The following FHL5 variants were observed in gnomAD, a reference collection of about 807,000 sequenced individuals.
FHL5 encodes the protein four and a half LIM domains 5.
FHL5 carries 33 observed loss-of-function variants against 32.0 expected under a neutral mutation model. The observed-to-expected ratio is 1.03, with a 90% CI of 0.78 to 1.38. The LOEUF is 1.38. Among genes scored for constraint, FHL5 ranks in the 40% most tolerant of loss-of-function variants. The pLI, the probability that FHL5 is intolerant of heterozygous loss-of-function variation, is 0.00. For missense variants in FHL5, 336 were observed against 343.9 expected (o/e 0.98, Z 0.18); for synonymous variants, 114 against 113.6 (o/e 1.00, Z -0.02).
At chr6:96,571,910 T>A (rs1770486853) in intron 1 of FHL5, among the ~76,000 whole-genome samples, 1 of 152,124 alleles carries the variant, frequency 6.6e-6, no homozygotes, top group Non-Finnish European at 1.5e-5. Context: ...TTGCTTTCAG[T>A]ACTCCAGAAT....
Position 96,618,039 on chromosome 6 carries a change from G to C in FHL5, c.*2267G>C, listed in dbSNP as rs535416395. On this transcript the variant is annotated 3_prime_UTR_variant, in exon 6 of 6. Transcript: ENST00000450218. ...ATGGTATGGAAATGCAGAAGTGCCT[G>C]ATGCAAAGATCCTTGCCTGCAGGTT... 2.0e-5 allele frequency among the ~76,000 whole-genome samples: 3 copies of C among 152,288 alleles called. No individual in the cohort carries two copies. The South Asian group carries it at 6.2e-4, about 32-fold the overall frequency.
intron 3 of FHL5, among the ~76,000 whole-genome samples, chr6:96,605,645 A>G (rs1282181816): frequency 2.6e-5 from 4 of 152,186 alleles, no homozygotes; most frequent in Non-Finnish European, 1.5e-5. Flanking sequence ...TTACATCTCC[A>G]GATTATAGGT....
At chr6:96,588,047 C>T (rs971439327) in intron 1 of FHL5, among the ~76,000 whole-genome samples, 2 of 152,138 alleles carry the variant, frequency 1.3e-5, no homozygotes, top group Non-Finnish European at 2.9e-5. Flanking sequence ...TCCACATCAT[C>T]GCTGAAAGTT....
At chr6:96,610,151 C>G (rs1440613047) in intron 4 of FHL5, among the ~76,000 whole-genome samples, 3 of 152,100 alleles carry the variant, frequency 2.0e-5, no homozygotes, top group Admixed American at 2.0e-4. Flanking sequence ...GCTCTAACGG[C>G]AGATCTTTAA....
At chr6:96,591,867 T>C (rs1349376381) in intron 1 of FHL5, among the ~76,000 whole-genome samples, 1 of 152,060 alleles carries the variant, frequency 6.6e-6, no homozygotes, top group Admixed American at 6.6e-5. Flanking sequence ...CACATGTCGA[T>C]AGGTTCCGTG....
intron 1 of FHL5, among the ~76,000 whole-genome samples, chr6:96,590,728 G>GT (rs966271547): frequency 5.3e-5 from 8 of 151,842 alleles, no homozygotes; most frequent in Admixed American, 3.9e-4. Flanking sequence ...TTCGCTATAG[G>GT]TTTTTTTAAA....
At chr6:96,609,384 C>G (rs1315341248) in intron 4 of FHL5, among the ~76,000 whole-genome samples, 1 of 152,056 alleles carries the variant, frequency 6.6e-6, no homozygotes, top group African/African-American at 2.4e-5. Flanking sequence ...ATTCTAAGAG[C>G]TCATTAGCTG....
rs1771238760 is a variant in FHL5, at chr6:96,604,870, T to G, written c.280T>G (p.Tyr94Asp). 6.2e-7 allele frequency: 1 copy of G among 1,613,664 alleles called. No homozygotes were observed. ...TGAGCGCCTGCTGTGCACGGAGTGC[T>G]ATTCTAACGAGTGCTCCTCCAAGTG... is the stretch of plus-strand genomic sequence containing the variant. ...KDERLLCTEC[Y>D]SNECSSKCFH... The change falls in exon 3 of 6, where the codon TAT becomes GAT. Residue 94 changes from tyrosine (Y) to aspartate (D), a missense_variant. Physicochemically the swap from Tyr to Asp is radical, Grantham distance 160. Coordinates refer to ENST00000450218, the MANE Select transcript of FHL5 (RefSeq NM_001322466.2).
At chr6:96,601,187 A>G (rs1008474162) in intron 1 of FHL5, among the ~76,000 whole-genome samples, 1 of 151,814 alleles carries the variant, frequency 6.6e-6, no homozygotes, top group Non-Finnish European at 1.5e-5. Flanking sequence ...TACAAAAATT[A>G]GCCAGGCACG....
At chr6:96,604,948 T>C (rs1423517407) in intron 3 of FHL5, 24 bp downstream of exon 3, 1 of 1,549,922 alleles carries the variant, frequency 6.5e-7, no homozygotes, top group Non-Finnish European at 8.7e-7. Context: ...GGGGCTCCTG[T>C]CTCTAACTGA....
intron 4 of FHL5, 50 bp from the exon 5 acceptor site, chr6:96,610,522 T>G: frequency 7.4e-7 from 1 of 1,354,314 alleles, no homozygotes; most frequent in Non-Finnish European, 1.0e-6. Context: ...TGAAATGATC[T>G]GAATTGTAAT....
chr6:96,591,881 T>C (rs2971608), intron 1 of FHL5, among the ~76,000 whole-genome samples: 39,684 of 151,818 alleles, frequency 0.26, 5,644 homozygotes, highest in African/African-American at 0.37. Flanking sequence ...TTCCGTGATG[T>C]CCCCTGAGCT....
intron 1 of FHL5, among the ~76,000 whole-genome samples, chr6:96,568,771 CT>C (rs1770414399): frequency 6.6e-6 from 1 of 151,770 alleles, no homozygotes; most frequent in Admixed American, 6.6e-5. Flanking sequence ...ATAATAGTCT[CT>C]GATAATTTTT....
chr6:96,615,519 C>G, intron 5 of FHL5, 90 bp from the exon 6 acceptor site: 1 of 1,070,540 alleles, frequency 9.3e-7, no homozygotes, highest in Non-Finnish European at 1.3e-6. Flanking sequence ...GCTCATAGCT[C>G]TATCTCCAGT....
At position 96,617,336 on chromosome 6, in the gene FHL5, G is replaced by A. The variant is rs11759769; in HGVS notation, c.*1564G>A. 0.18 allele frequency among the ~76,000 whole-genome samples: 27,474 copies of A among 152,114 alleles called. 2,724 individuals are homozygous for A. The highest frequency in any genetic ancestry group is 0.26 in the Middle Eastern group (76 of 294). ...GATTAAAATCTAATTGTAAGATACT[G>A]CTGATTACAATTACCAAAATAGCAT... On this transcript the variant is annotated 3_prime_UTR_variant, in exon 6 of 6. Transcript: ENST00000450218.
intron 1 of FHL5, among the ~76,000 whole-genome samples, chr6:96,580,201 T>C (rs1770669881): frequency 6.6e-6 from 1 of 152,056 alleles, no homozygotes; most frequent in Non-Finnish European, 1.5e-5. Context: ...TGCAGCATGT[T>C]TTCTTGGCCT....
Position 96,615,756 on chromosome 6 carries a change from T to C in FHL5, c.839T>C (p.Met280Thr), listed in dbSNP as rs555201956. Residue 280 changes from methionine to threonine, a missense_variant, in exon 6 of 6, where the codon ATG (methionine) becomes ACG (threonine). By Grantham distance (81) the Met-to-Thr change is moderately conservative (BLOSUM62 -1). Transcript: ENST00000450218. Reference sequence around the variant, plus strand: ...TTCTGCCAAAAATGTGGCTCCGGAATGGACACTGACATCTAGGAGACAGTC... The same window carrying C: ...TTCTGCCAAAAATGTGGCTCCGGAACGGACACTGACATCTAGGAGACAGTC... The part of the protein sequence containing the change: ...EIFCQKCGSG[M>T]DTDI The C allele has an allele frequency of 4.3e-6, 7 of 1,610,166 alleles. No homozygotes were observed. The East Asian group carries it at 1.1e-4, about 26-fold the overall frequency.
chr6:96,592,466 A>T (rs138985363), intron 1 of FHL5, among the ~76,000 whole-genome samples: 2 of 152,096 alleles, frequency 1.3e-5, no homozygotes, highest in Non-Finnish European at 2.9e-5. Flanking sequence ...CAGATTTCAT[A>T]TTGTTCAAAC....
chr6:96,576,422 C>T (rs1008817716), intron 1 of FHL5, among the ~76,000 whole-genome samples: 3 of 152,178 alleles, frequency 2.0e-5, no homozygotes, highest in South Asian at 4.1e-4. Context: ...AAGAACCACA[C>T]GAACATGCAG....
Sources: allele counts gnomAD v4.1 joint callset (sites outside exome capture counted in the v4.1 genomes callset), GRCh38; gene constraint gnomAD v4.1.1; transcripts MANE v1.5; gene names NCBI Gene and HGNC (gene_info 2026-07-23, HGNC 2026-07-21).